PRAMEF9: variants seen among roughly 807,000 people sequenced by gnomAD.
PRAMEF9 encodes PRAME family member 9, also known as PRAME family member 9/15.
PRAMEF9 carries 1 observed loss-of-function variant against 10.9 expected under a neutral mutation model. That is an observed-to-expected ratio of 0.09 (90% CI 0.03 to 0.44). PRAMEF9 has a LOEUF of 0.44. Ranked by LOEUF, PRAMEF9 falls within the 20% of genes least tolerant of loss-of-function variation. The probability of loss-of-function intolerance (pLI) is 0.97; values close to 1 mark genes in which losing one functional copy is unlikely to be tolerated. For missense variants in PRAMEF9, 126 were observed against 379.8 expected, an observed-to-expected ratio of 0.33 and a Z score of 5.55; for synonymous variants, 40 against 148.3, an observed-to-expected ratio of 0.27 and a Z score of 5.31.
chr1:13,172,897 G>A (rs1246236445), intron 1 of PRAMEF9: 2 of 139,406 alleles, frequency 1.4e-5, no homozygotes. Context: ...GGTGGGGATG[G>A]AGTCTCACTG....
Position 13,171,849 on chromosome 1 carries a change from G to A in PRAMEF9, c.-700G>A, listed in dbSNP as rs1638317862. Reference sequence around the variant, plus strand: ...TAACTCGGTAGAAGTGGAATCAAATGTAGTTCTCTCTCTCTCTTTTTTCTT... The same window carrying A: ...TAACTCGGTAGAAGTGGAATCAAATATAGTTCTCTCTCTCTCTTTTTTCTT... On this transcript the variant is annotated 5_prime_UTR_variant, in exon 1 of 4. Coordinates refer to ENST00000415919, the MANE Select transcript of PRAMEF9 (RefSeq NM_001010890.3). The A allele has an allele frequency of 7.2e-6, 1 of 139,212 alleles. No individual in the cohort carries two copies. Among genetic ancestry groups the A allele is most frequent in the African/African-American group, 2.5e-5 (1 of 40,394 alleles). 8.6% of individuals were successfully genotyped at this position (139,212 alleles called of 1,614,324 possible).
At chr1:13,175,103 G>A (rs1326651255) in intron 1 of PRAMEF9, 162 bp from the exon 2 acceptor site, 3 of 755,068 alleles carry the variant, frequency 4.0e-6, no homozygotes, top group Admixed American at 6.0e-5. Flanking sequence ...TGCAGCAGAG[G>A]CAGAATGCTG....
rs1420336257 is a variant in PRAMEF9 at position 13,175,203 on chromosome 1, G to T, written c.-16-62G>T. 257 of 1,375,444 alleles carry T rather than the reference G, an allele frequency of 1.9e-4. No individual in the cohort carries two copies. In the African/African-American group the frequency reaches 3.3e-3, roughly 18 times the overall value. 85.2% of individuals were successfully genotyped at this position (1,375,444 alleles called of 1,614,324 possible). A position where few individuals can be genotyped will look rare whatever the true frequency, so the allele number is the denominator to read the frequency against. Reference sequence around the variant, plus strand: ...AGCAGTGAGTTTGGCCATAGGAGAAGATGAGATTGCATGGGCTTGGCCTGA... The same window carrying T: ...AGCAGTGAGTTTGGCCATAGGAGAATATGAGATTGCATGGGCTTGGCCTGA... On this transcript the variant is annotated intron_variant, in intron 1 of 3. Coordinates refer to ENST00000415919, the MANE Select transcript of PRAMEF9 (RefSeq NM_001010890.3).
rs1638451707 is a variant in PRAMEF9 at position 13,179,439 on chromosome 1, A to T, written c.*307A>T. The T allele has an allele frequency of 6.3e-6, 3 of 476,608 alleles. No homozygotes were observed. The East Asian group carries it at 1.2e-4, about 19-fold the overall frequency. 29.5% of individuals were successfully genotyped at this position (476,608 alleles called of 1,614,324 possible). A position where few individuals can be genotyped will look rare whatever the true frequency, so the allele number is the denominator to read the frequency against. ...TTGCATGGATGGTTGTAAAGAAACAATCAGAAATAAAGGAAAACTGAGCAG... is the reference window on the plus strand; with the variant it reads ...TTGCATGGATGGTTGTAAAGAAACATTCAGAAATAAAGGAAAACTGAGCAG... On this transcript the variant is annotated 3_prime_UTR_variant, in exon 4 of 4. Transcript: ENST00000415919.
chr1:13,177,040 A>T lies in PRAMEF9; in HGVS notation c.875+218A>T. The T allele has an allele frequency of 1.5e-5, 5 of 331,072 alleles. 1 individual carries two copies. Among genetic ancestry groups the T allele is most frequent in the Non-Finnish European group, 2.7e-5 (5 of 182,320 alleles). The allele number at this position is 331,072 out of a possible 1,614,324, so 20.5% of individuals were successfully genotyped here. ...ATCAGCTAGGGGAGATGCTATAGAGAGGTTGTCATACTAGGAAGCTAGCTA... is the reference window on the plus strand; with the variant it reads ...ATCAGCTAGGGGAGATGCTATAGAGTGGTTGTCATACTAGGAAGCTAGCTA... On this transcript the variant is annotated intron_variant, in intron 3 of 3. Transcript: ENST00000415919.
chr1:13,173,387 G>C (rs1297509408), intron 1 of PRAMEF9: 1 of 29,694 alleles, frequency 3.4e-5, no homozygotes, highest in African/African-American at 7.9e-5. Flanking sequence ...TGGCTGTGGG[G>C]GGTGCCTGCC....
rs1477514983 is a variant in PRAMEF9, at chr1:13,173,366, A to G, written c.-17+834A>G. ...AAACCAATCACATCCTCTTCCACCC[A>G]AATGGAGACATGGCTGTGGGGGGTG... On this transcript the variant is annotated intron_variant, in intron 1 of 3. Transcript: ENST00000415919. 7.7e-5 allele frequency: 3 copies of G among 38,712 alleles called. 1 individual carries two copies. The highest frequency in any genetic ancestry group is 1.3e-4 in the Non-Finnish European group (2 of 15,510). 2.4% of individuals were successfully genotyped at this position (38,712 alleles called of 1,614,324 possible). A position where few individuals can be genotyped will look rare whatever the true frequency, so the allele number is the denominator to read the frequency against.
rs1185105754 is a variant in PRAMEF9, at chr1:13,172,091, T to TCTCAAA, written c.-454_-449dup. ...GGTTTTACCATGTTGGCCAGGCTTG[T>TCTCAAA]CTCAAACTCCTGACCTCAGATAATC... On this transcript the variant is annotated 5_prime_UTR_variant, in exon 1 of 4. Transcript: ENST00000415919. 10 of 143,844 alleles carry TCTCAAA rather than the reference T, an allele frequency of 7.0e-5. 1 individual carries two copies. Among genetic ancestry groups the TCTCAAA allele is most frequent in the Non-Finnish European group, 1.6e-4 (10 of 63,632 alleles). The allele number at this position is 143,844 out of a possible 1,614,324, so 8.9% of individuals were successfully genotyped here.
rs781849355 is a variant in PRAMEF9 at position 13,178,970 on chromosome 1, T to A, written c.1275T>A (p.Asp425Glu). The change falls in exon 4 of 4, where the codon GAT becomes GAA. Residue 425 changes from aspartate (D) to glutamate (E), a missense_variant. Coordinates refer to ENST00000415919, the MANE Select transcript of PRAMEF9 (RefSeq NM_001010890.3). ...CCCCGCGGGAGAGTTATGGTGCTGA[T>A]GGTACTCTCTGCTGGAGCAGATTTG... ...YPAPRESYGA[D>E]GTLCWSRFAQ... The A allele has an allele frequency of 1.3e-6, 2 of 1,539,748 alleles. No individual in the cohort carries two copies. The highest frequency in any genetic ancestry group is 1.8e-6 in the Non-Finnish European group (2 of 1,122,514).
Position 13,175,511 on chromosome 1 carries a change from GGAGGCCT to G in PRAMEF9, c.232_238del (p.Glu78SerfsTer64), listed in dbSNP as rs1326711347. 5 of 1,531,548 alleles carry G rather than the reference GGAGGCCT, an allele frequency of 3.3e-6. No homozygotes were observed. In the Admixed American group the frequency reaches 8.8e-5, roughly 27 times the overall value. 94.9% of individuals were successfully genotyped at this position (1,531,548 alleles called of 1,614,324 possible). On this transcript the variant is annotated frameshift_variant, in exon 2 of 4. Transcript: ENST00000415919. LOFTEE classifies it high-confidence loss of function. ...GGCCTCTGATAAAGATGCCTTGTCT[GGAGGCCT>G]TCCAAGCTGTGCTCGATGGGCTGGA...
In PRAMEF9 at chr1:13,171,919, G is replaced by C. The variant is rs1638320204; in HGVS notation, c.-630G>C. ...TTTTTTAAATCTAGCCTATTTCCCA[G>C]GCTGGAGTTCAGTGGTGTATTGTCA... On this transcript the variant is annotated 5_prime_UTR_variant, in exon 1 of 4. Coordinates refer to ENST00000415919, the MANE Select transcript of PRAMEF9 (RefSeq NM_001010890.3). 1.5e-5 allele frequency: 2 copies of C among 136,354 alleles called. 1 individual carries two copies. The highest frequency in any genetic ancestry group is 3.3e-5 in the Non-Finnish European group (2 of 61,014). The allele number at this position is 136,354 out of a possible 1,614,324, so 8.4% of individuals were successfully genotyped here.
intron 3 of PRAMEF9, 134 bp from the exon 4 acceptor site, chr1:13,178,437 T>C: frequency 1.5e-6 from 1 of 652,228 alleles, no homozygotes; most frequent in Non-Finnish European, 2.2e-6. Flanking sequence ...ATCCTAAGTG[T>C]TGACCATCAG....
At chr1:13,175,599 G>A in intron 2 of PRAMEF9, 26 bp downstream of exon 2, 4 of 1,514,130 alleles carry the variant, frequency 2.6e-6, no homozygotes, top group South Asian at 2.3e-5. Context: ...TGGGCTGGTG[G>A]GGAGGGCCCA....
chr1:13,175,209 A>T, intron 1 of PRAMEF9, 56 bp from the exon 2 acceptor site: 5 of 1,365,670 alleles, frequency 3.7e-6, no homozygotes, highest in Non-Finnish European at 5.1e-6. Context: ...AGAAGATGAG[A>T]TTGCATGGGC....
chr1:13,172,957 T>C (rs1261953325), intron 1 of PRAMEF9: 2 of 132,956 alleles, frequency 1.5e-5, no homozygotes, highest in Non-Finnish European at 3.4e-5. Context: ...CCTGCAACCT[T>C]TAACTCCTGG....
Position 13,172,459 on chromosome 1 carries a change from A to G in PRAMEF9, c.-90A>G, listed in dbSNP as rs1638335490. On this transcript the variant is annotated 5_prime_UTR_variant, in exon 1 of 4. Transcript: ENST00000415919. ...TTCTAAAGACCCACAGGAGAGACCC[A>G]AAGTCTTCAAGCCTGGAGTTCCTGC... is the stretch of plus-strand genomic sequence containing the variant. The G allele has an allele frequency of 7.0e-6, 1 of 141,972 alleles. No individual in the cohort carries two copies. The highest frequency in any genetic ancestry group is 2.5e-5 in the African/African-American group (1 of 40,788). The allele number at this position is 141,972 out of a possible 1,614,324, so 8.8% of individuals were successfully genotyped here.
In PRAMEF9 at chr1:13,179,062, G is replaced by A. The variant is rs781795125; in HGVS notation, c.1367G>A (p.Cys456Tyr). The A allele has an allele frequency of 4.5e-6, 7 of 1,541,612 alleles. 1 individual carries two copies. Among genetic ancestry groups the A allele is most frequent in the Middle Eastern group, 1.9e-4 (1 of 5,232 alleles). ...AGGCACCCCAAGAGGATCTTTTTCT[G>A]TATTGACAACTGCCCTGACTGTGGC... The part of the protein sequence containing the change: ...DLRHPKRIFF[C>Y]IDNCPDCGNR... The change falls in exon 4 of 4, where the codon TGT becomes TAT. Residue 456 changes from cysteine (C) to tyrosine (Y), a missense_variant. Coordinates refer to ENST00000415919, the MANE Select transcript of PRAMEF9 (RefSeq NM_001010890.3).
intron 1 of PRAMEF9, 136 bp downstream of exon 1, chr1:13,172,668 T>C (rs1386437129): frequency 7.5e-6 from 1 of 133,558 alleles, no homozygotes; most frequent in Non-Finnish European, 1.7e-5. Context: ...AATTTGAAGC[T>C]TTGAATGTTT....
Position 13,178,978 on chromosome 1 carries a change from T to G in PRAMEF9, c.1283T>G (p.Leu428Arg). The G allele has an allele frequency of 6.5e-7, 1 of 1,540,544 alleles. No homozygotes were observed. The highest frequency in any genetic ancestry group is 1.7e-5 in the Admixed American group (1 of 58,038). The part of the protein sequence containing the change: ...PRESYGADGT[L>R]CWSRFAQIRA... Reference sequence around the variant, plus strand: ...GAGAGTTATGGTGCTGATGGTACTCTCTGCTGGAGCAGATTTGCTCAAATT... The same window carrying G: ...GAGAGTTATGGTGCTGATGGTACTCGCTGCTGGAGCAGATTTGCTCAAATT... Residue 428 changes from leucine (L) to arginine (R), a missense_variant, in exon 4 of 4, where the codon CTC (leucine) becomes CGC (arginine). Leu to Arg is a moderately radical substitution (Grantham distance 102). Transcript: ENST00000415919.
Sources: gnomAD v4.1 joint callset for allele counts on GRCh38, gnomAD v4.1.1 for gene constraint, MANE v1.5 for transcripts, NCBI Gene and HGNC (gene_info 2026-07-23, HGNC 2026-07-21) for gene names.